Variants in IL34 observed in about 807,000 individuals in gnomAD.
IL34 encodes the protein interleukin 34.
Under a neutral mutation model 25.3 loss-of-function variants are expected in IL34, and 17 were observed. The ratio of observed to expected loss-of-function variants is 0.67; its 90% confidence interval spans 0.46 to 1.01. The LOEUF (loss-of-function observed/expected upper bound fraction) is 1.01. Ranked by LOEUF, IL34 falls within the 50% of genes least tolerant of loss-of-function variation. The pLI is 0.00. For missense variants in IL34, 368 were observed against 312.9 expected, an observed-to-expected ratio of 1.18 and a Z score of -1.33; for synonymous variants, 174 against 140.9, an observed-to-expected ratio of 1.23 and a Z score of -1.66.
At chr16:70,587,998 C>T (rs1285240500) in intron 1 of IL34, among the ~76,000 whole-genome samples, 1 of 152,034 alleles carries the variant, frequency 6.6e-6, no homozygotes, top group Non-Finnish European at 1.5e-5. Context: ...GAGGTCGCGC[C>T]ACTGCACTCT....
chr16:70,617,582 C>G (rs1030698216), intron 1 of IL34, among the ~76,000 whole-genome samples: 2 of 152,038 alleles, frequency 1.3e-5, no homozygotes, highest in Admixed American at 6.6e-5. Flanking sequence ...GGCTGTACCC[C>G]CTGTAGCATT....
intron 1 of IL34, among the ~76,000 whole-genome samples, chr16:70,630,420 C>G (rs190807664): frequency 6.6e-6 from 1 of 150,886 alleles, no homozygotes; most frequent in Non-Finnish European, 1.5e-5. Flanking sequence ...TTAGTAGAGA[C>G]GAGGTTTCAC....
At chr16:70,609,396 A>C (rs1323497013) in intron 1 of IL34, among the ~76,000 whole-genome samples, 3 of 152,164 alleles carry the variant, frequency 2.0e-5, no homozygotes, top group Non-Finnish European at 4.4e-5. Context: ...GGGATTCTTG[A>C]ATCTTATGCC....
intron 1 of IL34, among the ~76,000 whole-genome samples, chr16:70,603,471 G>C (rs1808005956): frequency 1.3e-5 from 2 of 152,034 alleles, no homozygotes; most frequent in African/African-American, 4.8e-5. Flanking sequence ...TAGAGATGGG[G>C]TTTCTCACGT....
At chr16:70,593,411 T>G (rs970031967) in intron 1 of IL34, among the ~76,000 whole-genome samples, 12 of 152,206 alleles carry the variant, frequency 7.9e-5, no homozygotes, top group African/African-American at 2.4e-4. Flanking sequence ...TTTATAGTTT[T>G]GCATTTTATG....
intron 1 of IL34, among the ~76,000 whole-genome samples, chr16:70,632,346 G>T (rs1272202286): frequency 6.6e-6 from 1 of 152,168 alleles, no homozygotes; most frequent in East Asian, 1.9e-4. Flanking sequence ...CAAATGACGG[G>T]CCTGTTCTCA....
At chr16:70,624,658 A>G (rs75261648) in intron 1 of IL34, among the ~76,000 whole-genome samples, 1 of 152,140 alleles carries the variant, frequency 6.6e-6, no homozygotes, top group African/African-American at 2.4e-5. Flanking sequence ...CACCTTGACT[A>G]TGCCTTTAGC....
Position 70,599,304 on chromosome 16 carries a change from C to CTTTCTTTCTTTTCTTTCTTTCTTTCTTT in IL34, c.-401+19255_-401+19256insTTTCTTTCTTTTCTTTCTTTCTTTCTTT, listed in dbSNP as rs372428379. Reference sequence around the variant, plus strand: ...TTCTTTCTTTCTTTCTTCTTTCTTTCCTTCTTTCTTTCTTTTCTTTCTTTC... The same window carrying CTTTCTTTCTTTTCTTTCTTTCTTTCTTT: ...TTCTTTCTTTCTTTCTTCTTTCTTTCTTTCTTTCTTTTCTTTCTTTCTTTCTTTCTTCTTTCTTTCTTTTCTTTCTTTC... On this transcript the variant is annotated intron_variant, in intron 1 of 6. Coordinates refer to the IL34 transcript ENST00000429149. Among the ~76,000 whole-genome samples the CTTTCTTTCTTTTCTTTCTTTCTTTCTTT allele has an allele frequency of 2.5e-3, 320 of 125,960 alleles. 4 individuals are homozygous for CTTTCTTTCTTTTCTTTCTTTCTTTCTTT. Among genetic ancestry groups the CTTTCTTTCTTTTCTTTCTTTCTTTCTTT allele is most frequent in the African/African-American group, 9.6e-3 (310 of 32,248 alleles). The allele number at this position is 125,960 out of a possible 152,430, so 82.6% of individuals were successfully genotyped here.
At chr16:70,651,852 G>C (rs566625186) in intron 1 of IL34, among the ~76,000 whole-genome samples, 2 of 152,230 alleles carry the variant, frequency 1.3e-5, no homozygotes, top group African/African-American at 4.8e-5. Context: ...CTGGGTGGGT[G>C]CGGTGGCTTA....
At chr16:70,590,065 G>A (rs2050735231) in intron 1 of IL34, among the ~76,000 whole-genome samples, 1 of 152,230 alleles carries the variant, frequency 6.6e-6, no homozygotes, top group South Asian at 2.1e-4. Context: ...GGGAGGTGTT[G>A]CTGGAGAGAT....
At chr16:70,616,016 C>T (rs766690403) in intron 1 of IL34, among the ~76,000 whole-genome samples, 4 of 152,178 alleles carry the variant, frequency 2.6e-5, no homozygotes, top group African/African-American at 9.7e-5. Context: ...AGCTTTGCCA[C>T]CTCTGCTGAA....
At chr16:70,622,902 G>C (rs914854138) in intron 1 of IL34, among the ~76,000 whole-genome samples, 1 of 152,044 alleles carries the variant, frequency 6.6e-6, no homozygotes, top group Non-Finnish European at 1.5e-5. Flanking sequence ...TGAGGGCTAG[G>C]CTAAAACATT....
intron 1 of IL34, among the ~76,000 whole-genome samples, chr16:70,581,109 A>G (rs928711134): frequency 2.0e-5 from 3 of 151,930 alleles, no homozygotes; most frequent in African/African-American, 7.3e-5. Flanking sequence ...ACGGGCTTTC[A>G]CCATGTTGGC....
At chr16:70,602,776 G>A (rs531016870) in intron 1 of IL34, among the ~76,000 whole-genome samples, 1 of 152,198 alleles carries the variant, frequency 6.6e-6, no homozygotes, top group Admixed American at 6.5e-5. Flanking sequence ...CTGAGCTCAA[G>A]GGATCCTCCT....
chr16:70,599,760 G>A (rs1411158730), intron 1 of IL34, among the ~76,000 whole-genome samples: 3 of 149,696 alleles, frequency 2.0e-5, no homozygotes, highest in African/African-American at 4.9e-5. Context: ...CTGAAGCTTC[G>A]ACCTCCTGGC....
At chr16:70,642,865 TAGGCAAATCCATAG>T (rs2051818987), upstream of IL34, among the ~76,000 whole-genome samples, 1 of 145,220 alleles carries the variant, frequency 6.9e-6, no homozygotes, top group African/African-American at 2.8e-5. Context: ...ATGTCCAGAA[TAGGCAAATCCATAG>T]AGACAGAAAG....
intron 1 of IL34, among the ~76,000 whole-genome samples, chr16:70,583,672 C>T (rs1028154419): frequency 1.3e-5 from 2 of 151,692 alleles, no homozygotes; most frequent in Admixed American, 6.6e-5. Flanking sequence ...TTTCCTCCTG[C>T]CTCAGAGGAG....
intron 1 of IL34, among the ~76,000 whole-genome samples, chr16:70,621,160 A>G (rs2151837547): frequency 6.6e-6 from 1 of 152,188 alleles, no homozygotes; most frequent in African/African-American, 2.4e-5. Context: ...GCCCCAGGAA[A>G]GCAGGACTTG....
At position 70,656,962 on chromosome 16, in the gene IL34, G is replaced by A. The variant is rs1341364544; in HGVS notation, c.243G>A (p.Gln81=). ...CAGTGACTTCCCTGTTTCCGCAGCA[G>A]AGGGCCCAGGTGAGCGAGCGGGAGC... The part of the protein sequence containing the change: ...VFRIANVTRL[Q]RAQVSERELR... Residue 81 remains glutamine, a splice_region_variant and synonymous_variant, in exon 4 of 6, where the codon CAG becomes CAA. Coordinates refer to ENST00000288098, the MANE Select transcript of IL34 (RefSeq NM_001393494.1). The A allele has an allele frequency of 6.2e-7, 1 of 1,605,520 alleles. No homozygotes were observed. The highest frequency in any genetic ancestry group is 1.3e-5 in the African/African-American group (1 of 74,712).
Sources: allele counts gnomAD v4.1 joint callset (sites outside exome capture counted in the v4.1 genomes callset), GRCh38; gene constraint gnomAD v4.1.1; transcripts MANE v1.5; gene names NCBI Gene and HGNC (gene_info 2026-07-23, HGNC 2026-07-21).